RAD17: variants seen among roughly 807,000 people sequenced by gnomAD.
The protein encoded by RAD17 is cell cycle checkpoint protein RAD17.
RAD17 carries 31 observed loss-of-function variants against 81.5 expected under a neutral mutation model. That is an observed-to-expected ratio of 0.38 (90% CI 0.29 to 0.51). The LOEUF (loss-of-function observed/expected upper bound fraction) is 0.51, where lower values mean the gene tolerates loss of function less well. Among genes scored for constraint, RAD17 ranks in the 20% least tolerant of loss-of-function variants. The pLI, the probability that RAD17 is intolerant of heterozygous loss-of-function variation, is 0.88. For synonymous variants in RAD17, 261 were observed against 266.2 expected (o/e 0.98, Z 0.19); for missense variants, 681 against 781.2 (o/e 0.87, Z 1.53).
rs557543138 is a variant in RAD17 at position 69,388,465 on chromosome 5, C to A, written c.895-569C>A. Among the ~76,000 whole-genome samples, 6 of 152,152 alleles carry A rather than the reference C, an allele frequency of 3.9e-5. No individual in the cohort carries two copies. In the South Asian group the frequency reaches 1.2e-3, roughly 32 times the overall value. ...ATGTAGTGAGAAAGAGTAAAAACTT[C>A]AAAATACAACCTGGTCAAAGTGAAA... On this transcript the variant is annotated intron_variant, in intron 11 of 18. Coordinates refer to ENST00000354868, the MANE Select transcript of RAD17 (RefSeq NM_133338.3).
At chr5:69,374,185 C>T (rs1202883196) in intron 5 of RAD17, 98 bp downstream of exon 5, 2 of 1,095,706 alleles carry the variant, frequency 1.8e-6, no homozygotes, top group Non-Finnish European at 1.3e-6. Flanking sequence ...ATTTTTTACT[C>T]ATAAGAATCT....
At chr5:69,382,202 C>A in intron 7 of RAD17, 145 bp downstream of exon 7, 1 of 908,046 alleles carries the variant, frequency 1.1e-6, no homozygotes, top group Non-Finnish European at 1.7e-6. Context: ...CGATGGCTGT[C>A]ACATGGGAGG....
chr5:69,393,908 GTTTTTTT>G (rs34500104), intron 15 of RAD17, among the ~76,000 whole-genome samples: 1 of 73,106 alleles, frequency 1.4e-5, no homozygotes, highest in Non-Finnish European at 2.5e-5. Flanking sequence ...TGTTATGGTG[GTTTTTTT>G]TTTTTTTTTT....
Position 69,371,436 on chromosome 5 carries a change from T to TC in RAD17, c.-279-3dup, listed in dbSNP as rs59258478. ...AGTTTTTCTTCATTTGAGGGCTTCT[T>TC]CCCCCCCCCCCCCCCAGGTGAATTA... On this transcript the variant is annotated splice_polypyrimidine_tract_variant and intron_variant, in intron 2 of 18. Coordinates refer to ENST00000354868, the MANE Select transcript of RAD17 (RefSeq NM_133338.3). 2.0e-4 allele frequency: 59 copies of TC among 289,704 alleles called. No homozygotes were observed. Among genetic ancestry groups the TC allele is most frequent in the African/African-American group, 8.3e-4 (25 of 30,020 alleles). 17.9% of individuals were successfully genotyped at this position (289,704 alleles called of 1,614,324 possible). A position where few individuals can be genotyped will look rare whatever the true frequency, so the allele number is the denominator to read the frequency against.
rs1229779615 is a variant in RAD17, at chr5:69,377,437, G to GTA, written c.351+2727_351+2728insAT. On this transcript the variant is annotated intron_variant, in intron 6 of 18. Coordinates refer to ENST00000354868, the MANE Select transcript of RAD17 (RefSeq NM_133338.3). The stretch of plus-strand genomic sequence containing the variant: ...TAGGTATATGTGTGTGTGTGTGTGT[G>GTA]TGTATATATATATATATATATATAT... Among the ~76,000 whole-genome samples the GTA allele has an allele frequency of 5.9e-3, 152 of 25,718 alleles. 2 individuals carry two copies. The highest frequency in any genetic ancestry group is 0.011 in the African/African-American group (101 of 9,224). 16.9% of individuals were successfully genotyped at this position (25,718 alleles called of 152,430 possible). A position where few individuals can be genotyped will look rare whatever the true frequency, so the allele number is the denominator to read the frequency against.
chr5:69,409,295 G>GTCT (rs1765823375), intron 17 of RAD17, among the ~76,000 whole-genome samples: 3 of 152,130 alleles, frequency 2.0e-5, no homozygotes, highest in Admixed American at 2.0e-4. Context: ...CTTTGGGTTA[G>GTCT]AACCTCTTAT....
In RAD17 at chr5:69,400,132, A is replaced by G; in HGVS notation, c.1656A>G (p.Pro552=). ...PALCLQTQLL[P]YLALLTIPMR... ...TATGCCTCCAAACTCAGCTATTGCC[A>G]TACCTTGCTCTACTAACCATTCCAA... is the stretch of plus-strand genomic sequence containing the variant. The change falls in exon 17 of 19, where the codon CCA becomes CCG. Residue 552 remains proline (P), a synonymous_variant. Transcript: ENST00000354868. 2 of 1,601,404 alleles carry G rather than the reference A, an allele frequency of 1.2e-6. No homozygotes were observed. Among genetic ancestry groups the G allele is most frequent in the Non-Finnish European group, 1.7e-6 (2 of 1,174,572 alleles).
chr5:69,384,944 CT>C lies in RAD17; in HGVS notation c.645+15del. The C allele has an allele frequency of 6.9e-7, 1 of 1,453,436 alleles. No homozygotes were observed. The highest frequency in any genetic ancestry group is 9.3e-7 in the Non-Finnish European group (1 of 1,070,402). The allele number at this position is 1,453,436 out of a possible 1,614,324, so 90.0% of individuals were successfully genotyped here. A position where few individuals can be genotyped will look rare whatever the true frequency, so the allele number is the denominator to read the frequency against. ...ATAATTCTGGTTGAAGTAAGGACAACTTTTAAAATCTTTTTTTTTTTTTTTT... is the reference window on the plus strand; with the variant it reads ...ATAATTCTGGTTGAAGTAAGGACAACTTTAAAATCTTTTTTTTTTTTTTTT... On this transcript the variant is annotated intron_variant, in intron 8 of 18. Coordinates refer to ENST00000354868, the MANE Select transcript of RAD17 (RefSeq NM_133338.3).
Position 69,372,175 on chromosome 5 carries a change from A to G in RAD17, c.-34A>G, listed in dbSNP as rs773227276. On this transcript the variant is annotated 5_prime_UTR_variant, in exon 4 of 19. Coordinates refer to ENST00000354868, the MANE Select transcript of RAD17 (RefSeq NM_133338.3). ...AATATAGAGGAAAGGGGCCAAGATT[A>G]TAGTACCAGTCACAATCTTTTGATG... The G allele has an allele frequency of 6.2e-7, 1 of 1,607,094 alleles. No individual in the cohort carries two copies. The highest frequency in any genetic ancestry group is 1.1e-5 in the South Asian group (1 of 90,238).
chr5:69,379,844 C>T (rs1437647298), intron 6 of RAD17, among the ~76,000 whole-genome samples: 1 of 151,970 alleles, frequency 6.6e-6, no homozygotes, highest in Admixed American at 6.6e-5. Flanking sequence ...TTCTGCAGTA[C>T]CTCCTGAAGG....
upstream of RAD17, chr5:69,369,614 C>A (rs1453385095): frequency 6.3e-7 from 1 of 1,578,300 alleles, no homozygotes; most frequent in African/African-American, 1.4e-5. Flanking sequence ...CACCGCGGCG[C>A]CCCTAGCCTG....
At chr5:69,413,761 C>G (rs896143969) in intron 18 of RAD17, among the ~76,000 whole-genome samples, 2 of 152,210 alleles carry the variant, frequency 1.3e-5, no homozygotes, top group Non-Finnish European at 2.9e-5. Context: ...TCTTGAACTC[C>G]TGGCCTCAAG....
intron 15 of RAD17, among the ~76,000 whole-genome samples, chr5:69,394,757 T>TATATCA (rs1764779608): frequency 6.6e-6 from 1 of 152,178 alleles, no homozygotes. Flanking sequence ...AATATTTCTG[T>TATATCA]GTGCTATAAA....
chr5:69,371,452 A>AGG lies in RAD17; in HGVS notation c.-279-1_-279dup. The AGG allele has an allele frequency of 4.3e-6, 1 of 231,828 alleles. No homozygotes were observed. Among genetic ancestry groups the AGG allele is most frequent in the Non-Finnish European group, 7.8e-6 (1 of 128,530 alleles). 14.4% of individuals were successfully genotyped at this position (231,828 alleles called of 1,614,324 possible). A position where few individuals can be genotyped will look rare whatever the true frequency, so the allele number is the denominator to read the frequency against. On this transcript the variant is annotated splice_acceptor_variant, in intron 2 of 18. Coordinates refer to ENST00000354868, the MANE Select transcript of RAD17 (RefSeq NM_133338.3). LOFTEE classifies it low-confidence loss of function (5UTR_SPLICE). ...AGGGCTTCTTCCCCCCCCCCCCCCC[A>AGG]GGTGAATTATAGTTTAATGTACTGC...
chr5:69,394,994 G>A (rs1432009079), intron 15 of RAD17, among the ~76,000 whole-genome samples: 1 of 152,202 alleles, frequency 6.6e-6, no homozygotes, highest in Non-Finnish European at 1.5e-5. Context: ...AGAGGTTGCA[G>A]TGAGCTGAGA....
chr5:69,404,510 G>A (rs1376965197), intron 17 of RAD17, among the ~76,000 whole-genome samples: 1 of 151,952 alleles, frequency 6.6e-6, no homozygotes, highest in Admixed American at 6.6e-5. Flanking sequence ...GCTCACGCCT[G>A]TAACCCCAGC....
Position 69,384,870 on chromosome 5 carries a change from G to A in RAD17, c.582G>A (p.Lys194=). Reference sequence around the variant, plus strand: ...AAGAGTTTCTACTAAGAGCGACAAAGTATAACAAGTTACAAATGCTTGGAG... The same window carrying A: ...AAGAGTTTCTACTAAGAGCGACAAAATATAACAAGTTACAAATGCTTGGAG... ...VFKEFLLRAT[K]YNKLQMLGDD... The change falls in exon 8 of 19, where the codon AAG becomes AAA. Residue 194 remains lysine (K), a synonymous_variant. Coordinates refer to ENST00000354868, the MANE Select transcript of RAD17 (RefSeq NM_133338.3). The A allele has an allele frequency of 3.1e-6, 5 of 1,609,096 alleles. No homozygotes were observed. Among genetic ancestry groups the A allele is most frequent in the South Asian group, 2.2e-5 (2 of 90,992 alleles).
At chr5:69,401,309 G>A (rs1013247873) in intron 17 of RAD17, among the ~76,000 whole-genome samples, 3 of 152,228 alleles carry the variant, frequency 2.0e-5, no homozygotes, top group African/African-American at 4.8e-5. Context: ...ACTCTTCTGT[G>A]GATGTAGAAA....
chr5:69,371,085 C>G lies in RAD17; in HGVS notation c.-366C>G, dbSNP rs11542278. The G allele has an allele frequency of 1.4e-4, 58 of 426,436 alleles. No individual in the cohort carries two copies. Among genetic ancestry groups the G allele is most frequent in the African/African-American group, 1.1e-3 (54 of 47,648 alleles). The allele number at this position is 426,436 out of a possible 1,614,324, so 26.4% of individuals were successfully genotyped here. ...TTTTGGGAAATACTGGAAATGAAGA[C>G]CTGCAACTGTAATTTGAAATAAGGA... On this transcript the variant is annotated 5_prime_UTR_variant, in exon 2 of 19. Transcript: ENST00000354868.
Sources: gnomAD v4.1 joint callset for allele counts (sites outside exome capture counted in the v4.1 genomes callset) on GRCh38, gnomAD v4.1.1 for gene constraint, MANE v1.5 for transcripts, NCBI Gene and HGNC (gene_info 2026-07-23, HGNC 2026-07-21) for gene names.